ARHGEF3: variants seen among roughly 807,000 people sequenced by gnomAD.
The protein encoded by ARHGEF3 is Rho guanine nucleotide exchange factor 3, also known as 59.8 kDA protein.
ARHGEF3 carries 28 observed loss-of-function variants against 63.2 expected under a neutral mutation model. That is an observed-to-expected ratio of 0.44 (90% CI 0.33 to 0.61). The LOEUF is 0.61. Among genes scored for constraint, ARHGEF3 ranks in the 20% least tolerant of loss-of-function variants. The pLI, the probability that ARHGEF3 is intolerant of heterozygous loss-of-function variation, is 0.03. For synonymous variants in ARHGEF3, 266 were observed against 254.2 expected (o/e 1.05, Z -0.44); for missense variants, 533 against 659.3 (o/e 0.81, Z 2.10).
intron 4 of ARHGEF3, among the ~76,000 whole-genome samples, chr3:56,874,611 A>G (rs2040528583): frequency 6.6e-6 from 1 of 152,348 alleles, no homozygotes; most frequent in East Asian, 1.9e-4. Context: ...TGCTTTGGGC[A>G]TGCACATGAC....
chr3:56,907,670 T>C (rs1442764734), intron 3 of ARHGEF3, among the ~76,000 whole-genome samples: 1 of 152,214 alleles, frequency 6.6e-6, no homozygotes, highest in Non-Finnish European at 1.5e-5. Context: ...ATATACACCA[T>C]GGAATACTAT....
At chr3:56,971,840 C>T (rs897465420) in intron 2 of ARHGEF3, among the ~76,000 whole-genome samples, 3 of 151,730 alleles carry the variant, frequency 2.0e-5, no homozygotes, top group South Asian at 2.1e-4. Flanking sequence ...GGCAACAGAG[C>T]GAGACTCCAT....
Position 56,795,033 on chromosome 3 carries a change from AT to A in ARHGEF3, c.96+6669del, listed in dbSNP as rs34029903. 7.8e-3 allele frequency among the ~76,000 whole-genome samples: 1,123 copies of A among 144,636 alleles called. 13 individuals carry two copies. Among genetic ancestry groups the A allele is most frequent in the African/African-American group, 0.027 (1,079 of 39,306 alleles). 94.9% of individuals were successfully genotyped at this position (144,636 alleles called of 152,430 possible). A position where few individuals can be genotyped will look rare whatever the true frequency, so the allele number is the denominator to read the frequency against. On this transcript the variant is annotated intron_variant, in intron 1 of 9. Transcript: ENST00000296315. The stretch of plus-strand genomic sequence containing the variant: ...GTTACCACGCTTGGTGAATTCTTTG[AT>A]TTTTTTTTTTTTTAGAGATGGGGTC...
In ARHGEF3 at chr3:56,842,304, T is replaced by C. The variant is rs558099900; in HGVS notation, c.192+39988A>G. 5.9e-5 allele frequency among the ~76,000 whole-genome samples: 9 copies of C among 152,358 alleles called. No homozygotes were observed. In the South Asian group the frequency reaches 1.9e-3, roughly 32 times the overall value. ...TATTTTAATGTGGATTAGAAAAAAT[T>C]GTCCAGCTAGCAGATCTTTCTTGGA... On this transcript the variant is annotated intron_variant, in intron 4 of 12. Transcript: ENST00000338458.
chr3:56,732,290 T>C lies in ARHGEF3; in HGVS notation c.1176A>G (p.Gly392=). Residue 392 remains glycine, a synonymous_variant, in exon 9 of 10, where the codon GGA becomes GGG. Transcript: ENST00000296315. ...GCAGGGAGCCACCCAGCCTCACTTCTCCATCCTGGAGGTCTTCCAGCAGGA... is the reference window on the plus strand; with the variant it reads ...GCAGGGAGCCACCCAGCCTCACTTCCCCATCCTGGAGGTCTTCCAGCAGGA... ...KDLLLEDLQD[G]EVRLGGSLRG... The C allele has an allele frequency of 3.1e-6, 5 of 1,614,152 alleles. No homozygotes were observed. The highest frequency in any genetic ancestry group is 4.2e-6 in the Non-Finnish European group (5 of 1,180,028).
chr3:56,803,932 T>C (rs1275067798), upstream of ARHGEF3, among the ~76,000 whole-genome samples: 1 of 151,610 alleles, frequency 6.6e-6, no homozygotes, highest in African/African-American at 2.4e-5. Context: ...TTGCCCAGGC[T>C]GGAGTGTAGT....
Position 56,971,363 on chromosome 3 carries a change from G to A in ARHGEF3, c.63-12474C>T, listed in dbSNP as rs940463838. On this transcript the variant is annotated intron_variant, in intron 2 of 12. Coordinates refer to the ARHGEF3 transcript ENST00000338458. ...CCCAGTCATCTCCTTTTCCCCAGGC[G>A]TCTCTCAGGCCGTGCTGGATCCTTT... Among the ~76,000 whole-genome samples the A allele has an allele frequency of 3.3e-5, 5 of 152,074 alleles. No individual in the cohort carries two copies. The South Asian group carries it at 6.2e-4, about 19-fold the overall frequency.
intron 2 of ARHGEF3, among the ~76,000 whole-genome samples, chr3:57,018,235 C>T (rs891730999): frequency 6.9e-6 from 1 of 144,058 alleles, no homozygotes; most frequent in Non-Finnish European, 1.5e-5. Context: ...GCTGAGATGG[C>T]ACCCCTGCAC....
chr3:56,736,530 G>T (rs2033636953), intron 8 of ARHGEF3, among the ~76,000 whole-genome samples: 1 of 152,182 alleles, frequency 6.6e-6, no homozygotes, highest in African/African-American at 2.4e-5. Context: ...TTCAACTGAA[G>T]AGCTGTTTCT....
intron 2 of ARHGEF3, among the ~76,000 whole-genome samples, chr3:57,021,415 A>T (rs1335996420): frequency 6.6e-6 from 1 of 152,212 alleles, no homozygotes; most frequent in Non-Finnish European, 1.5e-5. Context: ...ACTCCCACTG[A>T]AGTGGGTACA....
At chr3:57,064,037 G>C (rs6762137) in intron 1 of ARHGEF3, among the ~76,000 whole-genome samples, 131,853 of 152,260 alleles carry the variant, frequency 0.87, 57,149 homozygotes, top group East Asian at 0.96. Context: ...GAGGCCCAGG[G>C]AGGGGGACTG....
chr3:57,076,230 C>T (rs992001684), intron 1 of ARHGEF3, among the ~76,000 whole-genome samples: 4 of 144,350 alleles, frequency 2.8e-5, no homozygotes, highest in African/African-American at 1.0e-4. Context: ...CTGAACAATA[C>T]ATAACTTGGC....
At chr3:56,879,251 G>A (rs1009461752) in intron 4 of ARHGEF3, among the ~76,000 whole-genome samples, 3 of 152,184 alleles carry the variant, frequency 2.0e-5, no homozygotes, top group African/African-American at 4.8e-5. Flanking sequence ...TGTCTTCCAC[G>A]AAACCGGCCC....
chr3:56,917,073 T>G (rs114119373), intron 3 of ARHGEF3, among the ~76,000 whole-genome samples: 5,392 of 152,274 alleles, frequency 0.035, 141 homozygotes, highest in Non-Finnish European at 0.054. Flanking sequence ...TTTTATGAAG[T>G]GGGGATCTCA....
intron 3 of ARHGEF3, among the ~76,000 whole-genome samples, chr3:56,922,942 T>C (rs983756788): frequency 1.3e-5 from 2 of 150,100 alleles, no homozygotes; most frequent in Non-Finnish European, 3.0e-5. Flanking sequence ...TCCCAACACT[T>C]TGGGAAGCGT....
chr3:56,827,185 A>G (rs535427716), intron 4 of ARHGEF3, among the ~76,000 whole-genome samples: 34 of 152,334 alleles, frequency 2.2e-4, no homozygotes, highest in Admixed American at 9.8e-4. Flanking sequence ...ATAAGCAAAG[A>G]CAAATGACAA....
chr3:56,954,442 T>C (rs1290534361), intron 3 of ARHGEF3, among the ~76,000 whole-genome samples: 1 of 152,172 alleles, frequency 6.6e-6, no homozygotes, highest in African/African-American at 2.4e-5. Context: ...ATGGAGAAGC[T>C]GCCTCACAGC....
chr3:56,762,645 C>T (rs752340444), intron 2 of ARHGEF3, among the ~76,000 whole-genome samples: 1 of 152,158 alleles, frequency 6.6e-6, no homozygotes, highest in Non-Finnish European at 1.5e-5. Flanking sequence ...CCACAGATAA[C>T]ATGCTCCAAT....
chr3:56,872,499 C>T (rs1287966913), intron 4 of ARHGEF3, among the ~76,000 whole-genome samples: 1 of 148,828 alleles, frequency 6.7e-6, no homozygotes, highest in Non-Finnish European at 1.5e-5. Context: ...CCTTATATAC[C>T]TCTTTTCATA....
Sources: gnomAD v4.1 joint callset for allele counts (sites outside exome capture counted in the v4.1 genomes callset) on GRCh38, gnomAD v4.1.1 for gene constraint, MANE v1.5 for transcripts, NCBI Gene and HGNC (gene_info 2026-07-23, HGNC 2026-07-21) for gene names.